Variants in PKNOX2 observed in about 807,000 individuals in gnomAD.
PKNOX2 encodes PBX/knotted 1 homeobox 2.
Under a neutral mutation model 53.1 loss-of-function variants are expected in PKNOX2, and 14 were observed. That is an observed-to-expected ratio of 0.26 (90% confidence interval 0.17 to 0.41). PKNOX2 has a LOEUF of 0.41. Among genes scored for constraint, PKNOX2 ranks in the 10% least tolerant of loss-of-function variants. The probability of loss-of-function intolerance (pLI) is 1.00; values close to 1 mark genes in which losing one functional copy is unlikely to be tolerated. For missense variants in PKNOX2, 496 were observed against 602.8 expected (o/e 0.82, Z 1.85); for synonymous variants, 257 against 242.8 (o/e 1.06, Z -0.54).
At chr11:125,406,810 T>C (rs1219630397) in intron 7 of PKNOX2, among the ~76,000 whole-genome samples, 1 of 150,356 alleles carries the variant, frequency 6.7e-6, no homozygotes, top group Admixed American at 6.7e-5. Context: ...AGCTCTCTCA[T>C]ACTCAGCGTG....
At chr11:125,182,727 T>G (rs1162198007) in intron 1 of PKNOX2, among the ~76,000 whole-genome samples, 1 of 152,166 alleles carries the variant, frequency 6.6e-6, no homozygotes, top group Non-Finnish European at 1.5e-5. Context: ...CTCCTCCAAA[T>G]TCATGGCTCC....
chr11:125,209,528 G>A (rs1168239693), intron 1 of PKNOX2, among the ~76,000 whole-genome samples: 2 of 152,002 alleles, frequency 1.3e-5, no homozygotes, highest in South Asian at 2.1e-4. Context: ...GAAGAGGAAG[G>A]TTAAAGACAT....
chr11:125,350,744 C>A (rs1951255722), intron 3 of PKNOX2, among the ~76,000 whole-genome samples: 1 of 152,208 alleles, frequency 6.6e-6, no homozygotes, highest in South Asian at 2.1e-4. Flanking sequence ...GTCTCACAGT[C>A]TGAGGACGGG....
At chr11:125,261,523 T>C (rs969624367) in intron 2 of PKNOX2, among the ~76,000 whole-genome samples, 1 of 152,238 alleles carries the variant, frequency 6.6e-6, no homozygotes, top group South Asian at 2.1e-4. Context: ...TGGACAGGGG[T>C]CCTTGTGGAG....
At chr11:125,295,937 G>A (rs1481112332) in intron 2 of PKNOX2, among the ~76,000 whole-genome samples, 1 of 152,254 alleles carries the variant, frequency 6.6e-6, no homozygotes, top group East Asian at 1.9e-4. Context: ...CCCACAGCAC[G>A]TGGAAGGCAG....
chr11:125,363,050 C>T (rs998817045), intron 4 of PKNOX2, among the ~76,000 whole-genome samples: 1 of 152,322 alleles, frequency 6.6e-6, no homozygotes, highest in South Asian at 2.1e-4. Context: ...AGATGGCAGA[C>T]AGAAGTCCAG....
chr11:125,256,275 A>G (rs1291480111), intron 2 of PKNOX2, among the ~76,000 whole-genome samples: 2 of 152,106 alleles, frequency 1.3e-5, no homozygotes, highest in Non-Finnish European at 2.9e-5. Context: ...AAACAAAGCC[A>G]GGAGCCTGCC....
chr11:125,216,540 C>T (rs1218703804), intron 1 of PKNOX2, among the ~76,000 whole-genome samples: 4 of 152,196 alleles, frequency 2.6e-5, no homozygotes, highest in East Asian at 1.9e-4. Context: ...TCCCTTCCCA[C>T]CCCTTTCCCT....
chr11:125,324,198 G>A (rs1291682631), intron 2 of PKNOX2, among the ~76,000 whole-genome samples: 1 of 152,108 alleles, frequency 6.6e-6, no homozygotes, highest in African/African-American at 2.4e-5. Context: ...TAGGCAGGTG[G>A]ACTCCACCCT....
chr11:125,182,441 C>G (rs1212759866), intron 1 of PKNOX2, among the ~76,000 whole-genome samples: 1 of 152,184 alleles, frequency 6.6e-6, no homozygotes, highest in Non-Finnish European at 1.5e-5. Flanking sequence ...TCAAATCTCC[C>G]ATTGGCTGTG....
intron 2 of PKNOX2, among the ~76,000 whole-genome samples, chr11:125,322,973 C>T (rs1374035182): frequency 1.2e-4 from 19 of 152,174 alleles, no homozygotes; most frequent in Admixed American, 1.2e-3. Context: ...AACCCCAGTA[C>T]ATAAAGTCTT....
intron 6 of PKNOX2, among the ~76,000 whole-genome samples, chr11:125,387,488 G>C (rs1953721244): frequency 6.6e-6 from 1 of 152,160 alleles, no homozygotes; most frequent in Non-Finnish European, 1.5e-5. Context: ...TCCTAGCTCA[G>C]CCTGGAAAAC....
intron 4 of PKNOX2, among the ~76,000 whole-genome samples, chr11:125,356,201 T>C (rs1039746393): frequency 7.2e-5 from 11 of 152,194 alleles, no homozygotes; most frequent in African/African-American, 2.7e-4. Context: ...TGCATGAGCA[T>C]TGGACTAGAA....
intron 6 of PKNOX2, among the ~76,000 whole-genome samples, chr11:125,396,994 T>C (rs974361424): frequency 6.6e-6 from 1 of 152,232 alleles, no homozygotes; most frequent in Non-Finnish European, 1.5e-5. Flanking sequence ...AAATCATTCT[T>C]TAAGGCGATT....
At chr11:125,283,364 C>A (rs1425946317) in intron 2 of PKNOX2, among the ~76,000 whole-genome samples, 1 of 152,120 alleles carries the variant, frequency 6.6e-6, no homozygotes, top group Non-Finnish European at 1.5e-5. Flanking sequence ...CAGCCACCTG[C>A]CCCTTCAGTG....
chr11:125,396,070 C>T (rs945864611), intron 6 of PKNOX2, among the ~76,000 whole-genome samples: 1 of 151,882 alleles, frequency 6.6e-6, no homozygotes, highest in Non-Finnish European at 1.5e-5. Flanking sequence ...TCTCCTGCCT[C>T]AGCCTCCCAA....
chr11:125,298,966 G>A (rs528091508), intron 2 of PKNOX2, among the ~76,000 whole-genome samples: 1 of 152,092 alleles, frequency 6.6e-6, no homozygotes, highest in Non-Finnish European at 1.5e-5. Context: ...AGTACCTAAG[G>A]CTGGGTAATT....
chr11:125,266,057 C>G (rs1945315943), intron 2 of PKNOX2, among the ~76,000 whole-genome samples: 2 of 152,286 alleles, frequency 1.3e-5, no homozygotes, highest in East Asian at 1.9e-4. Flanking sequence ...TCACTTCACC[C>G]CTATGCACAC....
At chr11:125,416,294 C>T (rs549645614) in intron 10 of PKNOX2, among the ~76,000 whole-genome samples, 13 of 106,922 alleles carry the variant, frequency 1.2e-4, no homozygotes, top group East Asian at 1.2e-3. Context: ...CAGAGCGAGA[C>T]GCCGTCTCAA....
Sources: allele counts gnomAD v4.1 joint callset (sites outside exome capture counted in the v4.1 genomes callset), GRCh38; gene constraint gnomAD v4.1.1; transcripts MANE v1.5; gene names NCBI Gene and HGNC (gene_info 2026-07-23, HGNC 2026-07-21).